Variants in PHIP observed in about 807,000 individuals in gnomAD.
The protein encoded by PHIP is PHIP subunit of CUL4-Ring ligase complex, also known as PH-interacting protein.
A neutral mutation model predicts 236.8 loss-of-function variants in PHIP; 54 were observed. That is an observed-to-expected ratio of 0.23 (90% CI 0.18 to 0.29). The LOEUF is 0.29. PHIP is among the 10% of genes least tolerant of loss of function. The pLI is 1.00. For missense variants in PHIP, 1,370 were observed against 2,190.8 expected, an observed-to-expected ratio of 0.63 and a Z score of 7.48; for synonymous variants, 756 against 718.9, an observed-to-expected ratio of 1.05 and a Z score of -0.83.
intron 4 of PHIP, among the ~76,000 whole-genome samples, chr6:79,073,386 G>A (rs559718691): frequency 1.1e-4 from 17 of 152,024 alleles, no homozygotes; most frequent in African/African-American, 1.9e-4. Context: ...AGACTACCAC[G>A]CAAAGCTTCT....
chr6:79,020,740 T>C (rs1562185016), intron 9 of PHIP, among the ~76,000 whole-genome samples: 1 of 152,228 alleles, frequency 6.6e-6, no homozygotes, highest in Non-Finnish European at 1.5e-5. Flanking sequence ...CGAAGATTTG[T>C]GGGTTTTTTG....
rs145494337 is a variant in PHIP, at chr6:79,020,495, A to G, written c.924-1336T>C. Among the ~76,000 whole-genome samples, 6 of 152,324 alleles carry G rather than the reference A, an allele frequency of 3.9e-5. No homozygotes were observed. The East Asian group carries it at 1.2e-3, about 29-fold the overall frequency. ...GTAAATTAATCTGAATTATGAAGGCAACTAAATGCATTGCTTTCATTACTA... is the reference window on the plus strand; with the variant it reads ...GTAAATTAATCTGAATTATGAAGGCGACTAAATGCATTGCTTTCATTACTA... On this transcript the variant is annotated intron_variant, in intron 9 of 39. Coordinates refer to ENST00000275034, the MANE Select transcript of PHIP (RefSeq NM_017934.7).
chr6:79,005,989 C>T (rs1184619947), intron 15 of PHIP, among the ~76,000 whole-genome samples: 1 of 151,994 alleles, frequency 6.6e-6, no homozygotes, highest in East Asian at 1.9e-4. Flanking sequence ...CCTGTGTGTC[C>T]TATATAACAC....
At chr6:79,061,833 G>A (rs1473870106) in intron 4 of PHIP, among the ~76,000 whole-genome samples, 1 of 152,060 alleles carries the variant, frequency 6.6e-6, no homozygotes, top group Non-Finnish European at 1.5e-5. Flanking sequence ...CTTTTGATAA[G>A]ACTGATGTGG....
In PHIP at chr6:78,938,472, TA is replaced by T. The variant is rs987330939; in HGVS notation, c.*2220del. The T allele has an allele frequency of 7.9e-5, 12 of 151,838 alleles. No homozygotes were observed. Among genetic ancestry groups the T allele is most frequent in the African/African-American group, 2.6e-4 (11 of 41,550 alleles). The allele number at this position is 151,838 out of a possible 1,614,324, so 9.4% of individuals were successfully genotyped here. On this transcript the variant is annotated 3_prime_UTR_variant, in exon 40 of 40. Coordinates refer to ENST00000275034, the MANE Select transcript of PHIP (RefSeq NM_017934.7). Reference sequence around the variant, plus strand: ...TACAAAAATTGATTTTATAGCCTATTATTTTTTTCTTAACACAATGCAGATA... The same window carrying T: ...TACAAAAATTGATTTTATAGCCTATTTTTTTTTCTTAACACAATGCAGATA...
At position 79,060,697 on chromosome 6, in the gene PHIP, C is replaced by T; in HGVS notation, c.311G>A (p.Gly104Glu). 1 of 1,613,520 alleles carries T rather than the reference C, an allele frequency of 6.2e-7. No individual in the cohort carries two copies. Among genetic ancestry groups the T allele is most frequent in the Non-Finnish European group, 8.5e-7 (1 of 1,179,624 alleles). Residue 104 changes from glycine (G) to glutamate (E), a missense_variant, in exon 5 of 40, where the codon GGA becomes GAA. By Grantham distance (98) the Gly-to-Glu change is moderately conservative (BLOSUM62 -2). Around this residue, in one of 14 missense-constraint regions of PHIP, gnomAD observed 82 missense variants for 203.2 expected, o/e 0.40. Transcript: ENST00000275034. ...VPGVQTLLGA[G>E]RQSLLRTNKS... is the part of the protein sequence containing the mutation. ...ATTTGTGCGTAGTAAAGACTGTCTTCCAGCTCCTAATAAAGTTTGTACTCC... is the reference window on the plus strand; with the variant it reads ...ATTTGTGCGTAGTAAAGACTGTCTTTCAGCTCCTAATAAAGTTTGTACTCC...
chr6:78,954,250 C>T (rs1025701171), intron 35 of PHIP, among the ~76,000 whole-genome samples: 3 of 149,144 alleles, frequency 2.0e-5, no homozygotes, highest in Admixed American at 6.7e-5. Flanking sequence ...TACAGGCACC[C>T]GCCCACACGC....
At position 78,945,343 on chromosome 6, in the gene PHIP, T is replaced by A. The variant is rs1773747474; in HGVS notation, c.4785A>T (p.Pro1595=). 6.2e-7 allele frequency: 1 copy of A among 1,613,718 alleles called. No homozygotes were observed. Among genetic ancestry groups the A allele is most frequent in the Admixed American group, 1.7e-5 (1 of 59,986 alleles). Residue 1595 remains proline, a synonymous_variant, in exon 39 of 40, where the codon CCA becomes CCT. Transcript: ENST00000275034. ...ATGACTTTGAAAGAGTGGACGCCTT[T>A]GGGAGTACAGATGACTTCATTTTAC... The part of the protein sequence containing the change: ...VKRKMKSSVL[P]KASTLSKSSA...
At chr6:79,005,573 T>G (rs1035290202) in intron 15 of PHIP, among the ~76,000 whole-genome samples, 25 of 152,088 alleles carry the variant, frequency 1.6e-4, no homozygotes, top group African/African-American at 6.0e-4. Context: ...TTAAATGATT[T>G]TTTTTTAACT....
chr6:78,974,176 C>T (rs1010332828), intron 24 of PHIP, among the ~76,000 whole-genome samples: 2 of 152,128 alleles, frequency 1.3e-5, no homozygotes, highest in African/African-American at 2.4e-5. Context: ...AACAAACTAT[C>T]TCTCAGACCA....
chr6:79,002,871 A>G (rs963815040), intron 16 of PHIP, among the ~76,000 whole-genome samples: 12 of 152,108 alleles, frequency 7.9e-5, no homozygotes, highest in African/African-American at 2.7e-4. Context: ...TAAAAATCAC[A>G]TAAGATTTTC....
At position 78,946,235 on chromosome 6, in the gene PHIP, T is replaced by C; in HGVS notation, c.4396A>G (p.Lys1466Glu). Residue 1466 changes from lysine (K) to glutamate (E), a missense_variant, in exon 38 of 40, where the codon AAA becomes GAA. Transcript: ENST00000275034. ...SSPERKKRIL[K>E]PQLKSESSTS... ...GAGCTTTCTGATTTTAGCTGGGGTTTTAAGATCCTTTTTTTCCTTTCAGGG... is the reference window on the plus strand; with the variant it reads ...GAGCTTTCTGATTTTAGCTGGGGTTCTAAGATCCTTTTTTTCCTTTCAGGG... 1 of 1,613,446 alleles carries C rather than the reference T, an allele frequency of 6.2e-7. No homozygotes were observed. Among genetic ancestry groups the C allele is most frequent in the Non-Finnish European group, 8.5e-7 (1 of 1,179,540 alleles).
At position 78,970,132 on chromosome 6, in the gene PHIP, C is replaced by G. The variant is rs1767427861; in HGVS notation, c.3039G>C (p.Val1013=). The part of the protein sequence containing the change: ...LMKIVGIKYE[V]GLPTLCCLKL... The stretch of plus-strand genomic sequence containing the variant: ...TAAGGCAGCAAAGGGTAGGTAATCC[C>G]ACTTCATACTTTATGCCAACTATTT... The change falls in exon 26 of 40, where the codon GTG becomes GTC. Residue 1013 remains valine, a synonymous_variant. Transcript: ENST00000275034. 1 of 1,611,660 alleles carries G rather than the reference C, an allele frequency of 6.2e-7. No individual in the cohort carries two copies. Among genetic ancestry groups the G allele is most frequent in the Non-Finnish European group, 8.5e-7 (1 of 1,177,974 alleles).
At chr6:78,950,372 T>C (rs1415606894) in intron 35 of PHIP, among the ~76,000 whole-genome samples, 1 of 152,188 alleles carries the variant, frequency 6.6e-6, no homozygotes, top group African/African-American at 2.4e-5. Flanking sequence ...ATAGAGTGAG[T>C]TGGGAATTTT....
chr6:78,942,970 T>C (rs939030854), intron 39 of PHIP, among the ~76,000 whole-genome samples: 7 of 152,178 alleles, frequency 4.6e-5, no homozygotes, highest in African/African-American at 1.4e-4. Context: ...ACCACTGATA[T>C]TGAACGGTGT....
intron 7 of PHIP, among the ~76,000 whole-genome samples, chr6:79,030,581 T>C (rs1022488006): frequency 6.6e-5 from 10 of 152,170 alleles, no homozygotes; most frequent in Admixed American, 2.0e-4. Context: ...ACTAGACAAT[T>C]TGTAAGCAGA....
At chr6:79,075,491 C>G (rs1480894066) in intron 4 of PHIP, among the ~76,000 whole-genome samples, 1 of 151,942 alleles carries the variant, frequency 6.6e-6, no homozygotes, top group Non-Finnish European at 1.5e-5. Flanking sequence ...GAGCATAATA[C>G]ATAGATAGAA....
Position 78,947,690 on chromosome 6 carries a change from T to C in PHIP, c.4139A>G (p.Glu1380Gly). The change falls in exon 36 of 40, where the codon GAG becomes GGG. Residue 1380 changes from glutamate to glycine, a missense_variant. By Grantham distance (98) the Glu-to-Gly change is moderately conservative. Transcript: ENST00000275034. ...AATAAGTCTGACATCTTTACATAAC[T>C]CCATTGGTGACTCATAATTCCCAGC... Reference protein sequence around the residue: ...LEAGNYESPMELCKDVRLIFS... With the variant: ...LEAGNYESPMGLCKDVRLIFS... The C allele has an allele frequency of 6.5e-7, 1 of 1,548,882 alleles. No individual in the cohort carries two copies. The highest frequency in any genetic ancestry group is 8.9e-7 in the Non-Finnish European group (1 of 1,120,980).
intron 6 of PHIP, among the ~76,000 whole-genome samples, chr6:79,052,648 A>G (rs1351529785): frequency 1.3e-5 from 2 of 152,222 alleles, no homozygotes; most frequent in African/African-American, 2.4e-5. Flanking sequence ...AAGGGTTCTG[A>G]AAACAAAATT....
Sources: allele counts gnomAD v4.1 joint callset (sites outside exome capture counted in the v4.1 genomes callset), GRCh38; gene constraint gnomAD v4.1.1; regional missense constraint gnomAD v4.1.1; transcripts MANE v1.5; gene names NCBI Gene and HGNC (gene_info 2026-07-23, HGNC 2026-07-21).